MAPKAP1: variants seen among roughly 807,000 people sequenced by gnomAD.
MAPKAP1 encodes target of rapamycin complex 2 subunit MAPKAP1.
MAPKAP1 carries 20 observed loss-of-function variants against 65.7 expected under a neutral mutation model. The observed-to-expected ratio is 0.30, with a 90% CI of 0.21 to 0.44. The LOEUF is 0.44. Ranked by LOEUF, MAPKAP1 falls within the 20% of genes least tolerant of loss-of-function variation. The pLI, the probability that MAPKAP1 is intolerant of heterozygous loss-of-function variation, is 1.00. For missense variants in MAPKAP1, 423 were observed against 648.0 expected (o/e 0.65, Z 3.77); for synonymous variants, 222 against 244.3 (o/e 0.91, Z 0.85).
At chr9:125,683,843 A>G (rs1175373965) in intron 1 of MAPKAP1, among the ~76,000 whole-genome samples, 1 of 152,250 alleles carries the variant, frequency 6.6e-6, no homozygotes, top group Non-Finnish European at 1.5e-5. Context: ...CTTCACATAT[A>G]ACACATAAGG....
intron 4 of MAPKAP1, among the ~76,000 whole-genome samples, chr9:125,655,684 T>A (rs1399099189): frequency 6.6e-6 from 1 of 152,186 alleles, no homozygotes; most frequent in Admixed American, 6.5e-5. Flanking sequence ...AAATAACAGA[T>A]GAGAACAAGG....
At chr9:125,632,762 C>A (rs1489554037) in intron 4 of MAPKAP1, among the ~76,000 whole-genome samples, 1 of 152,158 alleles carries the variant, frequency 6.6e-6, no homozygotes, top group Admixed American at 6.5e-5. Context: ...CAGCTTGCCA[C>A]GAAAGATAGC....
intron 4 of MAPKAP1, among the ~76,000 whole-genome samples, chr9:125,637,991 C>T (rs1357646975): frequency 2.0e-5 from 3 of 152,146 alleles, no homozygotes; most frequent in Non-Finnish European, 2.9e-5. Flanking sequence ...AGGCTGGTCT[C>T]GATCTCCTGA....
chr9:125,475,222 G>A (rs917547006), intron 9 of MAPKAP1, among the ~76,000 whole-genome samples: 1 of 152,180 alleles, frequency 6.6e-6, no homozygotes, highest in Non-Finnish European at 1.5e-5. Flanking sequence ...ACCAGGCCAG[G>A]GCTTAAACAG....
At chr9:125,547,105 A>G (rs1412427329) in intron 6 of MAPKAP1, among the ~76,000 whole-genome samples, 3 of 152,138 alleles carry the variant, frequency 2.0e-5, no homozygotes, top group East Asian at 3.8e-4. Context: ...GGCATTTTAA[A>G]AAGAGACTCC....
intron 4 of MAPKAP1, among the ~76,000 whole-genome samples, chr9:125,651,542 G>A (rs951243908): frequency 6.6e-6 from 1 of 152,166 alleles, no homozygotes; most frequent in African/African-American, 2.4e-5. Context: ...GGAAGCAGGG[G>A]CTGCAGTGAG....
chr9:125,488,092 A>AC (rs1479504519), intron 8 of MAPKAP1, among the ~76,000 whole-genome samples: 1 of 152,186 alleles, frequency 6.6e-6, no homozygotes, highest in African/African-American at 2.4e-5. Context: ...GGCTCAACAC[A>AC]GTAATGCTTC....
At chr9:125,679,222 G>A (rs756529487) in intron 1 of MAPKAP1, among the ~76,000 whole-genome samples, 4 of 151,988 alleles carry the variant, frequency 2.6e-5, no homozygotes, top group Non-Finnish European at 4.4e-5. Context: ...GGCTGGTCTC[G>A]AACTCCTAAC....
At chr9:125,571,660 G>C (rs968976629) in intron 5 of MAPKAP1, among the ~76,000 whole-genome samples, 4 of 151,218 alleles carry the variant, frequency 2.6e-5, no homozygotes, top group African/African-American at 4.9e-5. Context: ...AGTTTGAGAC[G>C]AGCATGGCCA....
At chr9:125,654,661 G>A (rs1243134218) in intron 4 of MAPKAP1, among the ~76,000 whole-genome samples, 1 of 152,022 alleles carries the variant, frequency 6.6e-6, no homozygotes, top group East Asian at 1.9e-4. Context: ...CCAGCTACAG[G>A]AACCAAAAAT....
intron 10 of MAPKAP1, among the ~76,000 whole-genome samples, chr9:125,462,094 A>AAG (rs534282891): frequency 4.6e-5 from 7 of 152,350 alleles, no homozygotes; most frequent in East Asian, 1.9e-4. Flanking sequence ...TCACATGAGA[A>AAG]AGAGAGAGAG....
At chr9:125,558,095 G>A (rs890178119) in intron 6 of MAPKAP1, among the ~76,000 whole-genome samples, 20 of 151,964 alleles carry the variant, frequency 1.3e-4, no homozygotes, top group African/African-American at 3.6e-4. Context: ...GACCCTCCTC[G>A]GCCTCCCAAA....
intron 4 of MAPKAP1, among the ~76,000 whole-genome samples, chr9:125,619,983 A>G (rs1053876093): frequency 1.3e-5 from 2 of 152,216 alleles, no homozygotes. Context: ...AAGAAGCCCA[A>G]TCTTACTAAT....
In MAPKAP1 at chr9:125,438,769, C is replaced by T; in HGVS notation, c.*118G>A. 3.6e-6 allele frequency: 5 copies of T among 1,397,520 alleles called. No homozygotes were observed. The highest frequency in any genetic ancestry group is 4.9e-6 in the Non-Finnish European group (5 of 1,016,204). 86.6% of individuals were successfully genotyped at this position (1,397,520 alleles called of 1,614,324 possible). A position where few individuals can be genotyped will look rare whatever the true frequency, so the allele number is the denominator to read the frequency against. On this transcript the variant is annotated 3_prime_UTR_variant, in exon 12 of 12. Transcript: ENST00000265960. ...CCCCGAGAGCCCACCTGCCCTGTGC[C>T]AGTGAGCCAGGGGCTGGCCTCCCCC...
chr9:125,605,551 T>G (rs1832416242), intron 4 of MAPKAP1, among the ~76,000 whole-genome samples: 1 of 152,210 alleles, frequency 6.6e-6, no homozygotes, highest in African/African-American at 2.4e-5. Flanking sequence ...CTGGTATTAC[T>G]GCCATCTGAA....
intron 5 of MAPKAP1, among the ~76,000 whole-genome samples, chr9:125,575,316 T>A (rs78928152): frequency 2.6e-5 from 4 of 152,160 alleles, no homozygotes; most frequent in African/African-American, 9.7e-5. Context: ...GAACTGTAAT[T>A]GCACAACCGC....
At chr9:125,642,040 T>C (rs1445626465) in intron 4 of MAPKAP1, among the ~76,000 whole-genome samples, 1 of 151,492 alleles carries the variant, frequency 6.6e-6, no homozygotes, top group Non-Finnish European at 1.5e-5. Context: ...TCAAATTAAT[T>C]AGTTAATTTA....
chr9:125,676,775 C>A (rs1286852527), intron 1 of MAPKAP1, among the ~76,000 whole-genome samples: 1 of 152,150 alleles, frequency 6.6e-6, no homozygotes, highest in Non-Finnish European at 1.5e-5. Flanking sequence ...TTTTACTTAT[C>A]ATTTATACCA....
At chr9:125,599,955 T>C (rs953744265) in intron 4 of MAPKAP1, 3 of 152,320 alleles carry the variant, frequency 2.0e-5, no homozygotes, top group East Asian at 3.9e-4. Context: ...TCTTTAGTCC[T>C]GGACTCAAAA....
Sources: allele counts gnomAD v4.1 joint callset (sites outside exome capture counted in the v4.1 genomes callset), GRCh38; gene constraint gnomAD v4.1.1; transcripts MANE v1.5; gene names NCBI Gene and HGNC (gene_info 2026-07-23, HGNC 2026-07-21).